Variants in TNRC18 observed in about 807,000 individuals in gnomAD.
TNRC18 encodes trinucleotide repeat-containing gene 18 protein.
In TNRC18, 69 loss-of-function variants were observed where a neutral mutation model predicts 226.7. The ratio of observed to expected loss-of-function variants is 0.30; its 90% CI spans 0.25 to 0.37. TNRC18 has a LOEUF of 0.37. TNRC18 is among the 10% of genes least tolerant of loss of function. TNRC18 has a pLI of 1.00. For synonymous variants in TNRC18, 2,449 were observed against 1,927.6 expected (o/e 1.27, Z -7.09); for missense variants, 4,754 against 4,256.6 (o/e 1.12, Z -3.25).
intron 5 of TNRC18, among the ~76,000 whole-genome samples, chr7:5,386,074 G>A (rs1779766060): frequency 6.6e-6 from 1 of 151,630 alleles, no homozygotes; most frequent in Non-Finnish European, 1.5e-5. Context: ...ATCACTTGAG[G>A]TCAGGAGTTT....
In TNRC18 at chr7:5,394,427, G is replaced by A; in HGVS notation, c.343+13C>T. 6.6e-7 allele frequency: 1 copy of A among 1,523,546 alleles called. No individual in the cohort carries two copies. Among genetic ancestry groups the A allele is most frequent in the Non-Finnish European group, 8.8e-7 (1 of 1,136,652 alleles). 94.4% of individuals were successfully genotyped at this position (1,523,546 alleles called of 1,614,324 possible). A position where few individuals can be genotyped will look rare whatever the true frequency, so the allele number is the denominator to read the frequency against. ...CCAGCAGCCCTCAGCCCCGACCCCG[G>A]CATGTTCCTTACCTTCATGGGCGTG... is the stretch of plus-strand genomic sequence containing the variant. On this transcript the variant is annotated intron_variant, in intron 3 of 29. Transcript: ENST00000430969. The surrounding 1 kb of genome is among the most constrained non-coding windows in gnomAD (Gnocchi z 4.5).
chr7:5,392,396 G>A, intron 3 of TNRC18, among the ~76,000 whole-genome samples: 1 of 152,152 alleles, frequency 6.6e-6, no homozygotes, highest in East Asian at 1.9e-4. Context: ...TCAGGAGGCA[G>A]AGGTTGCAGT....
chr7:5,356,806 G>A (rs1369877627), intron 16 of TNRC18, 110 bp downstream of exon 16: 201 of 1,377,160 alleles, frequency 1.5e-4, no homozygotes, highest in Non-Finnish European at 1.8e-4. Context: ...GAGAGAGAGC[G>A]AGAGCGAGAG....
chr7:5,363,434 C>T (rs1440397794), intron 11 of TNRC18, among the ~76,000 whole-genome samples: 2 of 152,076 alleles, frequency 1.3e-5, no homozygotes, highest in Non-Finnish European at 2.9e-5. Flanking sequence ...AATCCCATCT[C>T]TACTAAAAAA....
At position 5,377,631 on chromosome 7, in the gene TNRC18, G is replaced by A. The variant is rs1779088690; in HGVS notation, c.2256-55C>T. 5 of 1,506,816 alleles carry A rather than the reference G, an allele frequency of 3.3e-6. No individual in the cohort carries two copies. Among genetic ancestry groups the A allele is most frequent in the East Asian group, 2.5e-5 (1 of 40,334 alleles). The allele number at this position is 1,506,816 out of a possible 1,614,324, so 93.3% of individuals were successfully genotyped here. ...AGCTCGGACAGCCCAGGGGACGAGAGGGAGAAGCGGGGTTGCCCCAAGGAA... is the reference window on the plus strand; with the variant it reads ...AGCTCGGACAGCCCAGGGGACGAGAAGGAGAAGCGGGGTTGCCCCAAGGAA... On this transcript the variant is annotated intron_variant, in intron 6 of 29. Coordinates refer to ENST00000430969, the MANE Select transcript of TNRC18 (RefSeq NM_001080495.3). This position sits in a 1 kb window ranked among gnomAD's most constrained non-coding sequence, Gnocchi z 5.8.
chr7:5,374,263 C>G lies in TNRC18; in HGVS notation c.3021G>C (p.Lys1007Asn), dbSNP rs1489601616. The G allele has an allele frequency of 4.0e-6, 6 of 1,496,164 alleles. No homozygotes were observed. Among genetic ancestry groups the G allele is most frequent in the Admixed American group, 4.5e-5 (2 of 44,834 alleles). 92.7% of individuals were successfully genotyped at this position (1,496,164 alleles called of 1,614,324 possible). A position where few individuals can be genotyped will look rare whatever the true frequency, so the allele number is the denominator to read the frequency against. ...ACACGTCCTCCAGCTTCTGGATGACCTTGGCCTTCAGGGCAGCCACAGGGG... is the reference window on the plus strand; with the variant it reads ...ACACGTCCTCCAGCTTCTGGATGACGTTGGCCTTCAGGGCAGCCACAGGGG... ...RASPVAALKA[K>N]VIQKLEDVSK... Residue 1007 changes from lysine to asparagine, a missense_variant, in exon 10 of 30, where the codon AAG becomes AAC. Physicochemically the swap from Lys to Asn is moderately conservative, Grantham distance 94. Transcript: ENST00000430969.
intron 2 of TNRC18, among the ~76,000 whole-genome samples, chr7:5,407,754 A>C (rs1003036969): frequency 6.6e-6 from 1 of 152,156 alleles, no homozygotes; most frequent in Non-Finnish European, 1.5e-5. Flanking sequence ...AGGGCTCCAG[A>C]CTTTGTCAAT....
At chr7:5,369,249 G>A (rs575123092) in intron 11 of TNRC18, among the ~76,000 whole-genome samples, 3 of 152,262 alleles carry the variant, frequency 2.0e-5, no homozygotes, top group Non-Finnish European at 2.9e-5. Context: ...CTGGGAGGCT[G>A]AAGTAGGAGA....
chr7:5,336,728 C>T (rs902012242), intron 18 of TNRC18, among the ~76,000 whole-genome samples: 1 of 152,052 alleles, frequency 6.6e-6, no homozygotes, highest in African/African-American at 2.4e-5. Flanking sequence ...GGTGACAGAG[C>T]AAGACCCTGT....
At chr7:5,367,327 T>G (rs1326598081) in intron 11 of TNRC18, among the ~76,000 whole-genome samples, 1 of 151,510 alleles carries the variant, frequency 6.6e-6, no homozygotes, top group Non-Finnish European at 1.5e-5. Flanking sequence ...ATCACACCAC[T>G]GCACTCCAGC....
intron 27 of TNRC18, among the ~76,000 whole-genome samples, chr7:5,310,424 C>T (rs1274584264): frequency 1.3e-5 from 2 of 151,986 alleles, no homozygotes; most frequent in Non-Finnish European, 2.9e-5. Flanking sequence ...TTAGTAGAGA[C>T]GGGGTTTCAC....
intron 2 of TNRC18, among the ~76,000 whole-genome samples, chr7:5,413,016 T>C (rs1781939827): frequency 1.3e-5 from 2 of 152,184 alleles, no homozygotes; most frequent in South Asian, 4.1e-4. Context: ...CAGGCCTCTG[T>C]GGGCAGCAGA....
chr7:5,325,994 A>G (rs1265917247), intron 19 of TNRC18, among the ~76,000 whole-genome samples: 1 of 151,938 alleles, frequency 6.6e-6, no homozygotes, highest in Non-Finnish European at 1.5e-5. Flanking sequence ...TTGGCCTTCC[A>G]AAGTGCTGGG....
intron 19 of TNRC18, among the ~76,000 whole-genome samples, chr7:5,327,372 CGTGTGTGTGTGTGTGT>C (rs5882054): frequency 3.4e-4 from 49 of 142,782 alleles, no homozygotes; most frequent in South Asian, 6.8e-4. Context: ...TGTGTTTGTG[CGTGTGTGTGTGTGTGT>C]GTGTGTGTGT....
intron 17 of TNRC18, among the ~76,000 whole-genome samples, chr7:5,348,331 AG>A (rs1363969308): frequency 6.6e-6 from 1 of 152,116 alleles, no homozygotes; most frequent in African/African-American, 2.4e-5. Context: ...AAGTGACTCT[AG>A]GGGCCGCAGG....
In TNRC18 at chr7:5,312,700, G is replaced by C. The variant is rs768317772; in HGVS notation, c.8191C>G (p.Pro2731Ala). ...GGCTGCAGAGGCTGTGTGGGCTGCG[G>C]AGGAGGCGCCTGGGGCTGGGGCGCG... ...TPAPQPQAPP[P>A]QPTQPLQPKA... The change falls in exon 27 of 30, where the codon CCG (proline) becomes GCG (alanine). Residue 2731 changes from proline (P) to alanine (A), a missense_variant. By Grantham distance (27) the Pro-to-Ala change is conservative (BLOSUM62 -1). Coordinates refer to ENST00000430969, the MANE Select transcript of TNRC18 (RefSeq NM_001080495.3). This position sits in a 1 kb window ranked among gnomAD's most constrained non-coding sequence, Gnocchi z 6.3. The C allele has an allele frequency of 1.3e-6, 2 of 1,590,344 alleles. No individual in the cohort carries two copies. Among genetic ancestry groups the C allele is most frequent in the African/African-American group, 1.3e-5 (1 of 74,092 alleles).
chr7:5,345,420 G>C, intron 18 of TNRC18, 142 bp downstream of exon 18: 1 of 820,382 alleles, frequency 1.2e-6, no homozygotes, highest in Non-Finnish European at 1.9e-6. Flanking sequence ...ATCAGCACGG[G>C]GCTGGCCCAC....
chr7:5,359,700 T>G (rs1792830752), intron 14 of TNRC18, 131 bp from the exon 15 acceptor site: 2 of 916,816 alleles, frequency 2.2e-6, no homozygotes, highest in South Asian at 2.8e-5. Context: ...GTGACGGGCG[T>G]GGGGAGATGG....
rs768037307 is a variant in TNRC18, at chr7:5,352,028, G to C, written c.5261C>G (p.Ser1754Cys). The C allele has an allele frequency of 1.1e-5, 17 of 1,613,788 alleles. No individual in the cohort carries two copies. In the African/African-American group the frequency reaches 1.9e-4, roughly 18 times the overall value. ...DEWPAQGPSS[S>C]KLTPSLLCSM... The stretch of plus-strand genomic sequence containing the variant: ...ACACAGGAGGGAAGGCGTCAGTTTG[G>C]AGCTGGAGGGGCCTTGGGCGGGCCA... The change falls in exon 17 of 30, where the codon TCC becomes TGC. Residue 1754 changes from serine (S) to cysteine (C), a missense_variant. By Grantham distance (112) the Ser-to-Cys change is moderately radical. Transcript: ENST00000430969.
Sources: allele counts gnomAD v4.1 joint callset (sites outside exome capture counted in the v4.1 genomes callset), GRCh38; gene constraint gnomAD v4.1.1; non-coding constraint Gnocchi (gnomAD v3.1); transcripts MANE v1.5; gene names NCBI Gene and HGNC (gene_info 2026-07-23, HGNC 2026-07-21).